The following PLEKHH2 variants were observed in gnomAD, a reference collection of about 807,000 sequenced individuals.
PLEKHH2 encodes the protein pleckstrin homology, MyTH4 and FERM domain containing H2.
In PLEKHH2, 129 loss-of-function variants were observed where a neutral mutation model predicts 187.9. The observed-to-expected ratio is 0.69, with a 90% CI of 0.59 to 0.79. The LOEUF is 0.79. Among genes scored for constraint, PLEKHH2 ranks in the 30% least tolerant of loss-of-function variants. The pLI, the probability that PLEKHH2 is intolerant of heterozygous loss-of-function variation, is 0.00. For synonymous variants in PLEKHH2, 686 were observed against 605.6 expected (o/e 1.13, Z -1.95); for missense variants, 2,076 against 1,751.2 (o/e 1.19, Z -3.31).
In PLEKHH2 at chr2:43,709,834, C is replaced by T. The variant is rs182923630; in HGVS notation, c.1967-156C>T. ...CTGGTGACAGAGCGAGACTCTGTCT[C>T]AAAAAAAGTTATTTATGGCCAAAGG... On this transcript the variant is annotated intron_variant, in intron 11 of 29. Coordinates refer to ENST00000282406, the MANE Select transcript of PLEKHH2 (RefSeq NM_172069.4). Among the ~76,000 whole-genome samples the T allele has an allele frequency of 3.7e-3, 555 of 151,858 alleles. 4 individuals are homozygous for T. The highest frequency in any genetic ancestry group is 0.013 in the African/African-American group (523 of 41,366).
intron 9 of PLEKHH2, 114 bp downstream of exon 9, chr2:43,704,170 C>A: frequency 1.4e-6 from 1 of 691,606 alleles, no homozygotes; most frequent in Non-Finnish European, 2.3e-6. Flanking sequence ...TATGATTCCA[C>A]CTAAAGGAGG....
intron 24 of PLEKHH2, among the ~76,000 whole-genome samples, chr2:43,748,796 G>T (rs553852712): frequency 8.8e-4 from 133 of 150,794 alleles, no homozygotes; most frequent in South Asian, 6.7e-3. Flanking sequence ...CACCCTTGCT[G>T]CCCAGGCTGG....
chr2:43,755,755 G>T (rs1026868747), intron 25 of PLEKHH2, among the ~76,000 whole-genome samples: 1 of 152,150 alleles, frequency 6.6e-6, no homozygotes, highest in Admixed American at 6.5e-5. Context: ...CTTCTGCTGG[G>T]ACTGTCAGCT....
chr2:43,685,421 TC>T (rs1416215713), intron 3 of PLEKHH2, among the ~76,000 whole-genome samples: 1 of 152,052 alleles, frequency 6.6e-6, no homozygotes, highest in African/African-American at 2.4e-5. Context: ...TTCTAGTACA[TC>T]TTTTTTTTGT....
At chr2:43,676,149 T>A (rs1481590142) in intron 2 of PLEKHH2, 1 of 1,613,980 alleles carries the variant, frequency 6.2e-7, no homozygotes, top group Non-Finnish European at 8.5e-7. Context: ...AGAGTATCAC[T>A]TTTGAAGTGT....
In PLEKHH2 at chr2:43,675,638, C is replaced by G. The variant is rs758735999; in HGVS notation, c.124-3225C>G. 1.1e-5 allele frequency: 18 copies of G among 1,613,850 alleles called. No individual in the cohort carries two copies. In the Admixed American group the frequency reaches 2.7e-4, roughly 24 times the overall value. Reference sequence around the variant, plus strand: ...TAATCCTCTGCATTTTCTGCATGAACTCCTGCATATTTCAGGCATATTGCC... The same window carrying G: ...TAATCCTCTGCATTTTCTGCATGAAGTCCTGCATATTTCAGGCATATTGCC... On this transcript the variant is annotated intron_variant, in intron 2 of 29. Coordinates refer to ENST00000282406, the MANE Select transcript of PLEKHH2 (RefSeq NM_172069.4).
intron 2 of PLEKHH2, among the ~76,000 whole-genome samples, chr2:43,655,632 C>G (rs927812180): frequency 6.6e-6 from 1 of 152,174 alleles, no homozygotes; most frequent in African/African-American, 2.4e-5. Flanking sequence ...CCCACCTTGT[C>G]CTAGAGAAAG....
chr2:43,746,354 A>G (rs532774467), intron 24 of PLEKHH2, among the ~76,000 whole-genome samples: 12 of 152,168 alleles, frequency 7.9e-5, no homozygotes, highest in Non-Finnish European at 1.6e-4. Flanking sequence ...TACTAAAAAT[A>G]CAAAAAATTA....
At chr2:43,740,908 C>A in intron 20 of PLEKHH2, 38 bp from the exon 21 acceptor site, 2 of 1,604,724 alleles carry the variant, frequency 1.2e-6, no homozygotes, top group South Asian at 1.1e-5. Context: ...CTCTGACTGG[C>A]ACGTGGTATC....
At chr2:43,638,888 A>C (rs989840076) in intron 1 of PLEKHH2, among the ~76,000 whole-genome samples, 4 of 152,180 alleles carry the variant, frequency 2.6e-5, no homozygotes, top group African/African-American at 9.7e-5. Context: ...TATCCAACCA[A>C]TTTGCAGTTC....
chr2:43,675,391 CCAACTGGAGG>C, intron 2 of PLEKHH2: 1 of 1,588,110 alleles, frequency 6.3e-7, no homozygotes, highest in Non-Finnish European at 8.6e-7. Flanking sequence ...ATTTTCTGAA[CCAACTGGAGG>C]CAAGAAAACG....
At position 43,671,927 on chromosome 2, in the gene PLEKHH2, C is replaced by A. The variant is rs553302174; in HGVS notation, c.124-6936C>A. ...TTTTTCTGGTTTTGGCAATACTGGC[C>A]TTATAAAATGTGTTAGGAAGCATTC... On this transcript the variant is annotated intron_variant, in intron 2 of 29. Coordinates refer to ENST00000282406, the MANE Select transcript of PLEKHH2 (RefSeq NM_172069.4). Among the ~76,000 whole-genome samples the A allele has an allele frequency of 9.9e-5, 15 of 152,220 alleles. No individual in the cohort carries two copies. In the South Asian group the frequency reaches 2.3e-3, roughly 23 times the overall value.
At chr2:43,707,645 C>G (rs1669728128) in intron 11 of PLEKHH2, 100 bp downstream of exon 11, 1 of 1,405,866 alleles carries the variant, frequency 7.1e-7, no homozygotes, top group South Asian at 1.4e-5. Context: ...AATCCAAGAA[C>G]TTGCTTCAGA....
intron 3 of PLEKHH2, among the ~76,000 whole-genome samples, chr2:43,690,289 T>C (rs116268379): frequency 1.3e-3 from 192 of 152,342 alleles, no homozygotes; most frequent in Non-Finnish European, 2.1e-3. Context: ...TTTCTTAGAA[T>C]CTAAGGTAAC....
At chr2:43,669,549 T>A (rs1273135698) in intron 2 of PLEKHH2, among the ~76,000 whole-genome samples, 1 of 152,000 alleles carries the variant, frequency 6.6e-6, no homozygotes, top group Non-Finnish European at 1.5e-5. Context: ...ATAGCATGAA[T>A]CATAATTAGA....
rs911977008 is a variant in PLEKHH2, at chr2:43,707,783, G to C, written c.1966+238G>C. Among the ~76,000 whole-genome samples the C allele has an allele frequency of 2.6e-5, 4 of 151,432 alleles. No individual in the cohort carries two copies. The East Asian group carries it at 7.8e-4, about 29-fold the overall frequency. ...AGCTTTTTATTGTCTGTGAGAGGGA[G>C]ATCACTTTATTGTTGGAATGAAGTG... On this transcript the variant is annotated intron_variant, in intron 11 of 29. Transcript: ENST00000282406.
At chr2:43,703,916 C>CTTTTTTTTTTT (rs10530805) in intron 8 of PLEKHH2, 65 bp from the exon 9 acceptor site, 3 of 387,560 alleles carry the variant, frequency 7.7e-6, no homozygotes, top group African/African-American at 6.2e-5. Context: ...TGAAAGTAGT[C>CTTTTTTTTTTT]TTTTTTTTTT....
At chr2:43,712,404 G>C in intron 15 of PLEKHH2, 21 bp downstream of exon 15, 2 of 1,609,432 alleles carry the variant, frequency 1.2e-6, no homozygotes, top group East Asian at 2.2e-5. Context: ...CCTGTGCATA[G>C]CAATGTCCCA....
chr2:43,744,019 C>T, intron 23 of PLEKHH2, 30 bp downstream of exon 23: 1 of 1,599,782 alleles, frequency 6.3e-7, no homozygotes, highest in Non-Finnish European at 8.5e-7. Context: ...AGGAGCCAAG[C>T]CCAACGAACA....
Sources: allele counts gnomAD v4.1 joint callset (sites outside exome capture counted in the v4.1 genomes callset), GRCh38; gene constraint gnomAD v4.1.1; transcripts MANE v1.5; gene names NCBI Gene and HGNC (gene_info 2026-07-23, HGNC 2026-07-21).